Variants in SCYL2 observed in about 807,000 individuals in gnomAD.
SCYL2 encodes SCY1 like pseudokinase 2, also known as SCY1-like protein 2.
In SCYL2, 36 loss-of-function variants were observed where a neutral mutation model predicts 100.4. The ratio of observed to expected loss-of-function variants is 0.36; its 90% CI spans 0.27 to 0.47. The LOEUF is 0.47. Ranked by LOEUF, SCYL2 falls within the 20% of genes least tolerant of loss-of-function variation. The pLI, the probability that SCYL2 is intolerant of heterozygous loss-of-function variation, is 1.00. For synonymous variants in SCYL2, 330 were observed against 359.2 expected, an observed-to-expected ratio of 0.92 and a Z score of 0.92; for missense variants, 902 against 1,083.9, an observed-to-expected ratio of 0.83 and a Z score of 2.36.
rs181751049 is a variant in SCYL2, at chr12:100,331,423, C to T, written c.1761+2104C>T. On this transcript the variant is annotated intron_variant, in intron 13 of 17. Transcript: ENST00000360820. ...AGGAGTTTGAGACCAGCCTGGGCAA[C>T]ATGGTGAAACCCCTTCTCTACAAAA... is the stretch of plus-strand genomic sequence containing the variant. Among the ~76,000 whole-genome samples the T allele has an allele frequency of 9.3e-4, 142 of 152,146 alleles. 1 individual carries two copies. Among genetic ancestry groups the T allele is most frequent in the South Asian group, 1.2e-3 (6 of 4,812 alleles).
rs1429574820 is a variant in SCYL2 at position 100,341,026 on chromosome 12, TAAAC to T, written c.*1856_*1859del. 7.2e-5 allele frequency: 11 copies of T among 152,210 alleles called. No homozygotes were observed. The highest frequency in any genetic ancestry group is 5.8e-4 in the East Asian group (3 of 5,184). 9.4% of individuals were successfully genotyped at this position (152,210 alleles called of 1,614,324 possible). On this transcript the variant is annotated 3_prime_UTR_variant, in exon 18 of 18. Transcript: ENST00000360820. ...TAACATGATGTTAGTGTTGAACTCTTAAACAGAAAGAAAGCTTAATATAACAGCT... is the reference window on the plus strand; with the variant it reads ...TAACATGATGTTAGTGTTGAACTCTTAGAAAGAAAGCTTAATATAACAGCT...
chr12:100,330,867 C>T (rs1952201256), intron 13 of SCYL2, among the ~76,000 whole-genome samples: 1 of 140,964 alleles, frequency 7.1e-6, no homozygotes, highest in Admixed American at 7.5e-5. Context: ...CTCGCCCTGT[C>T]ACTCAGACTG....
At position 100,340,951 on chromosome 12, in the gene SCYL2, A is replaced by T. The variant is rs1196864268; in HGVS notation, c.*1779A>T. On this transcript the variant is annotated 3_prime_UTR_variant, in exon 18 of 18. Coordinates refer to ENST00000360820, the MANE Select transcript of SCYL2 (RefSeq NM_017988.6). ...AAGTATTGAAGAATTTTTCTTTGTAACAATTTAGTAGTCACTGTTTATTGA... is the reference window on the plus strand; with the variant it reads ...AAGTATTGAAGAATTTTTCTTTGTATCAATTTAGTAGTCACTGTTTATTGA... The T allele has an allele frequency of 6.6e-6, 1 of 152,124 alleles. No homozygotes were observed. The highest frequency in any genetic ancestry group is 2.4e-5 in the African/African-American group (1 of 41,450). The allele number at this position is 152,124 out of a possible 1,614,324, so 9.4% of individuals were successfully genotyped here.
chr12:100,292,244 A>T (rs2096311485), intron 3 of SCYL2, among the ~76,000 whole-genome samples: 1 of 152,232 alleles, frequency 6.6e-6, no homozygotes, highest in Admixed American at 6.5e-5. Flanking sequence ...CGCTAGCTTT[A>T]TAAACCTTTT....
At chr12:100,308,369 C>T (rs1286961902) in intron 4 of SCYL2, among the ~76,000 whole-genome samples, 1 of 152,144 alleles carries the variant, frequency 6.6e-6, no homozygotes, top group Non-Finnish European at 1.5e-5. Flanking sequence ...CTATCATTCT[C>T]AGCAGACTAA....
chr12:100,320,669 AT>A (rs1376030310), intron 10 of SCYL2, among the ~76,000 whole-genome samples: 1 of 152,074 alleles, frequency 6.6e-6, no homozygotes. Flanking sequence ...AGAATTTAAG[AT>A]TTGCCTCTTT....
chr12:100,322,378 A>C (rs1332550464), intron 10 of SCYL2, among the ~76,000 whole-genome samples: 4 of 150,522 alleles, frequency 2.7e-5, no homozygotes, highest in Admixed American at 6.6e-5. Flanking sequence ...GTCTCAAAAA[A>C]AAAAAAAAAA....
intron 11 of SCYL2, among the ~76,000 whole-genome samples, chr12:100,324,413 G>A (rs549933963): frequency 5.9e-5 from 9 of 152,050 alleles, no homozygotes; most frequent in African/African-American, 2.2e-4. Flanking sequence ...TTTTGATAAC[G>A]GACATATTAT....
At position 100,320,620 on chromosome 12, in the gene SCYL2, G is replaced by A. The variant is rs1163928701; in HGVS notation, c.1395+2695G>A. ...AAGTTCCTCATCCTGTCTCCTCTTCGGGAGAGAGCTCTCCCTATGTTAGCT... is the reference window on the plus strand; with the variant it reads ...AAGTTCCTCATCCTGTCTCCTCTTCAGGAGAGAGCTCTCCCTATGTTAGCT... On this transcript the variant is annotated intron_variant, in intron 10 of 17. Transcript: ENST00000360820. 5.3e-5 allele frequency among the ~76,000 whole-genome samples: 8 copies of A among 151,890 alleles called. No individual in the cohort carries two copies. In the East Asian group the frequency reaches 5.8e-4, roughly 11 times the overall value.
intron 3 of SCYL2, among the ~76,000 whole-genome samples, chr12:100,294,082 T>C (rs2096313949): frequency 4.0e-5 from 6 of 148,970 alleles, no homozygotes; most frequent in Non-Finnish European, 1.5e-5. Context: ...GCAGAGGGGC[T>C]CCTCACTTCC....
chr12:100,311,270 T>G (rs1344064163), intron 5 of SCYL2, 77 bp downstream of exon 5: 2 of 1,433,598 alleles, frequency 1.4e-6, no homozygotes, highest in African/African-American at 2.9e-5. Context: ...AGAAATAGGC[T>G]ATGTGGTACA....
chr12:100,327,412 A>G (rs1371919002), intron 12 of SCYL2, among the ~76,000 whole-genome samples: 3 of 152,196 alleles, frequency 2.0e-5, no homozygotes, highest in Non-Finnish European at 4.4e-5. Flanking sequence ...TAGAAGTCCA[A>G]TCTGAAAATG....
chr12:100,282,416 C>T (rs1207405067), intron 1 of SCYL2, among the ~76,000 whole-genome samples: 1 of 137,292 alleles, frequency 7.3e-6, no homozygotes, highest in Non-Finnish European at 1.6e-5. Context: ...ACCTCCACCT[C>T]CTGGGTTCAA....
intron 1 of SCYL2, 124 bp from the exon 2 acceptor site, chr12:100,282,819 T>G (rs1039952776): frequency 7.1e-6 from 3 of 424,496 alleles, no homozygotes; most frequent in Non-Finnish European, 4.1e-6. Context: ...ACATACAACT[T>G]TCATCTATAT....
intron 2 of SCYL2, among the ~76,000 whole-genome samples, chr12:100,287,403 C>T (rs1287332025): frequency 6.6e-6 from 1 of 152,086 alleles, no homozygotes; most frequent in Non-Finnish European, 1.5e-5. Context: ...AAGCAATCCT[C>T]CCACCTCAGC....
intron 3 of SCYL2, among the ~76,000 whole-genome samples, chr12:100,293,276 A>G (rs1022055597): frequency 6.6e-6 from 1 of 152,234 alleles, no homozygotes; most frequent in African/African-American, 2.4e-5. Context: ...GTCTCTTGTC[A>G]TAAAAATATT....
intron 1 of SCYL2, among the ~76,000 whole-genome samples, chr12:100,272,557 T>G (rs2096288748): frequency 6.6e-6 from 1 of 152,196 alleles, no homozygotes; most frequent in Non-Finnish European, 1.5e-5. Flanking sequence ...TTGGCCTGCA[T>G]GTCTAAAAAC....
At chr12:100,318,340 T>C (rs2096351663) in intron 10 of SCYL2, among the ~76,000 whole-genome samples, 1 of 148,808 alleles carries the variant, frequency 6.7e-6, no homozygotes, top group South Asian at 2.1e-4. Context: ...TTTTTTTTTT[T>C]TTTTTTTTGA....
chr12:100,310,969 AT>A (rs1250573049), intron 4 of SCYL2, 74 bp from the exon 5 acceptor site: 13 of 1,339,700 alleles, frequency 9.7e-6, no homozygotes, highest in Non-Finnish European at 1.2e-5. Context: ...AGCAATAATT[AT>A]TATTTTTGTG....
Sources: allele counts gnomAD v4.1 joint callset (sites outside exome capture counted in the v4.1 genomes callset), GRCh38; gene constraint gnomAD v4.1.1; transcripts MANE v1.5; gene names NCBI Gene and HGNC (gene_info 2026-07-23, HGNC 2026-07-21).